The following MICU1 variants were observed in gnomAD, a reference collection of about 807,000 sequenced individuals.
MICU1 encodes calcium uptake protein 1, mitochondrial.
A neutral mutation model predicts 56.8 loss-of-function variants in MICU1; 45 were observed. The observed-to-expected ratio is 0.79, with a 90% CI of 0.62 to 1.02. The LOEUF (loss-of-function observed/expected upper bound fraction) is 1.02, where lower values mean the gene tolerates loss of function less well. MICU1 is among the 50% of genes least tolerant of loss of function. The pLI is 0.00. For missense variants in MICU1, 504 were observed against 587.1 expected (o/e 0.86, Z 1.46); for synonymous variants, 186 against 195.1 (o/e 0.95, Z 0.39).
chr10:72,480,025 A>G lies in MICU1; in HGVS notation c.653-2769T>C, dbSNP rs907755151. ...TTTTAAGTAGGAGAGTGACACAATC[A>G]AGCAATTATAAAGGACTTCTCCAGC... is the stretch of plus-strand genomic sequence containing the variant. On this transcript the variant is annotated intron_variant, in intron 6 of 11. Coordinates refer to ENST00000361114, the MANE Select transcript of MICU1 (RefSeq NM_001195518.2). Among the ~76,000 whole-genome samples the G allele has an allele frequency of 2.0e-5, 3 of 152,352 alleles. No individual in the cohort carries two copies. The South Asian group carries it at 6.2e-4, about 32-fold the overall frequency.
rs367936933 is a variant in MICU1, at chr10:72,385,888, C to T, written c.1181-10016G>A. On this transcript the variant is annotated intron_variant, in intron 10 of 11. Transcript: ENST00000361114. Reference sequence around the variant, plus strand: ...TGCTGGCTCTGAAGAAGTGAGTTGCCATGCTGTGAGGGGCCTGGTGGCAAG... The same window carrying T: ...TGCTGGCTCTGAAGAAGTGAGTTGCTATGCTGTGAGGGGCCTGGTGGCAAG... Among the ~76,000 whole-genome samples, 111 of 152,346 alleles carry T rather than the reference C, an allele frequency of 7.3e-4. 1 individual carries two copies. In the South Asian group the frequency reaches 0.021, roughly 29 times the overall value.
At chr10:72,386,561 T>TC (rs1225701768) in intron 10 of MICU1, among the ~76,000 whole-genome samples, 4 of 148,348 alleles carry the variant, frequency 2.7e-5, no homozygotes, top group Non-Finnish European at 4.5e-5. Flanking sequence ...CCACCTATTT[T>TC]TTTTTTTTTT....
chr10:72,559,196 A>G (rs567251085), intron 3 of MICU1, among the ~76,000 whole-genome samples: 53 of 152,184 alleles, frequency 3.5e-4, no homozygotes, highest in Non-Finnish European at 6.5e-4. Flanking sequence ...TCCAAAAAAG[A>G]GAAAAACCCA....
At chr10:72,485,345 T>G (rs552033695) in intron 6 of MICU1, among the ~76,000 whole-genome samples, 1 of 152,162 alleles carries the variant, frequency 6.6e-6, no homozygotes, top group Admixed American at 6.6e-5. Context: ...CCCAAAGTGC[T>G]GGGATTGCAG....
intron 2 of MICU1, 100 bp from the exon 3 acceptor site, chr10:72,563,163 T>G (rs1054530436): frequency 1.1e-6 from 1 of 884,552 alleles, no homozygotes; most frequent in Admixed American, 4.1e-5. Flanking sequence ...GCAATGAAAT[T>G]TGTCAAATAT....
intron 1 of MICU1, among the ~76,000 whole-genome samples, chr10:72,573,241 G>A (rs1840654439): frequency 6.7e-6 from 1 of 149,708 alleles, no homozygotes; most frequent in Non-Finnish European, 1.5e-5. Flanking sequence ...AGGCCAATAT[G>A]GGAGGGTCAC....
chr10:72,439,433 T>C (rs757863709), intron 8 of MICU1, among the ~76,000 whole-genome samples: 16 of 152,054 alleles, frequency 1.1e-4, no homozygotes, highest in Non-Finnish European at 1.8e-4. Context: ...GACAAACCCA[T>C]AGCCAATATC....
At chr10:72,572,958 A>G (rs556925049) in intron 1 of MICU1, among the ~76,000 whole-genome samples, 2 of 152,196 alleles carry the variant, frequency 1.3e-5, no homozygotes, top group East Asian at 3.9e-4. Flanking sequence ...AATATACCCT[A>G]CTGATGTACT....
At chr10:72,493,239 T>C (rs1866727770) in intron 6 of MICU1, among the ~76,000 whole-genome samples, 3 of 152,168 alleles carry the variant, frequency 2.0e-5, no homozygotes, top group Admixed American at 6.5e-5. Flanking sequence ...ACACAATTTT[T>C]CCCCCACTTT....
At chr10:72,496,117 A>C (rs980646502) in intron 6 of MICU1, among the ~76,000 whole-genome samples, 58 of 151,544 alleles carry the variant, frequency 3.8e-4, no homozygotes, top group African/African-American at 1.3e-3. Context: ...CAGGCACACA[A>C]CACCACACCA....
At chr10:72,507,369 T>C (rs1270374396) in intron 6 of MICU1, among the ~76,000 whole-genome samples, 1 of 152,204 alleles carries the variant, frequency 6.6e-6, no homozygotes, top group African/African-American at 2.4e-5. Flanking sequence ...AAGCTATTGA[T>C]AGTTTTAAAA....
chr10:72,548,718 A>G (rs1044030567), intron 4 of MICU1, among the ~76,000 whole-genome samples: 2 of 152,228 alleles, frequency 1.3e-5, no homozygotes, highest in African/African-American at 2.4e-5. Flanking sequence ...TCTTTCTGAG[A>G]CAGAGTCTCC....
chr10:72,449,605 G>GT (rs1354467148), intron 8 of MICU1, among the ~76,000 whole-genome samples: 1 of 151,736 alleles, frequency 6.6e-6, no homozygotes, highest in African/African-American at 2.4e-5. Context: ...GCAGTAAAGC[G>GT]TTTTTTTATT....
At chr10:72,488,725 C>T (rs1866554110) in intron 6 of MICU1, among the ~76,000 whole-genome samples, 1 of 152,108 alleles carries the variant, frequency 6.6e-6, no homozygotes, top group African/African-American at 2.4e-5. Flanking sequence ...CCAGCATCTT[C>T]CTAATTACTC....
chr10:72,590,861 A>C (rs199656346), intron 1 of MICU1, among the ~76,000 whole-genome samples: 201 of 145,178 alleles, frequency 1.4e-3, no homozygotes, highest in Admixed American at 3.8e-3. Context: ...AAAAAAAAAA[A>C]CAGAAGACAA....
chr10:72,592,851 C>T (rs887674925), intron 1 of MICU1, among the ~76,000 whole-genome samples: 4 of 149,978 alleles, frequency 2.7e-5, no homozygotes, highest in Admixed American at 6.7e-5. Flanking sequence ...GGCGCAATCT[C>T]GGCTCACTGC....
At chr10:72,609,812 G>T (rs1841793251) in intron 1 of MICU1, among the ~76,000 whole-genome samples, 1 of 151,176 alleles carries the variant, frequency 6.6e-6, no homozygotes, top group South Asian at 2.1e-4. Context: ...TAGGTGGGTG[G>T]ATCACGAGGT....
chr10:72,591,497 AAG>A (rs1370508211), intron 1 of MICU1, among the ~76,000 whole-genome samples: 1 of 152,166 alleles, frequency 6.6e-6, no homozygotes, highest in Non-Finnish European at 1.5e-5. Context: ...ACTAACAAGA[AAG>A]AGAGAAGCCT....
intron 4 of MICU1, among the ~76,000 whole-genome samples, chr10:72,538,915 G>C (rs1839701636): frequency 6.6e-6 from 1 of 151,906 alleles, no homozygotes; most frequent in Non-Finnish European, 1.5e-5. Flanking sequence ...AAGATATTTG[G>C]AAATAGAAAC....
Sources: gnomAD v4.1 joint callset for allele counts (sites outside exome capture counted in the v4.1 genomes callset) on GRCh38, gnomAD v4.1.1 for gene constraint, MANE v1.5 for transcripts, NCBI Gene and HGNC (gene_info 2026-07-23, HGNC 2026-07-21) for gene names.